Variants in ZNF517 observed in about 807,000 individuals in gnomAD.
ZNF517 encodes the protein zinc finger protein 517.
ZNF517 carries 12 observed loss-of-function variants against 12.1 expected under a neutral mutation model. The ratio of observed to expected loss-of-function variants is 0.99; its 90% CI spans 0.63 to 1.61. ZNF517 has a LOEUF of 1.61. ZNF517 is among the 40% of genes most tolerant of loss of function. The pLI, the probability that ZNF517 is intolerant of heterozygous loss-of-function variation, is 0.00. For synonymous variants in ZNF517, 388 were observed against 310.2 expected (o/e 1.25, Z -2.63); for missense variants, 781 against 693.2 (o/e 1.13, Z -1.42).
At position 144,807,578 on chromosome 8, in the gene ZNF517, T is replaced by C; in HGVS notation, c.662T>C (p.Leu221Pro). ...GKAFKQSSIL[L>P]RHQLIHTEEK... is the part of the protein sequence containing the mutation. ...GCCTTCAAGCAAAGCTCCATCCTGC[T>C]GCGGCACCAGCTGATCCACACTGAG... Residue 221 changes from leucine (L) to proline (P), a missense_variant, in exon 5 of 5, where the codon CTG (leucine) becomes CCG (proline). Coordinates refer to ENST00000359971, the MANE Select transcript of ZNF517 (RefSeq NM_213605.3). 6.2e-7 allele frequency: 1 copy of C among 1,602,324 alleles called. No homozygotes were observed. Among genetic ancestry groups the C allele is most frequent in the East Asian group, 2.3e-5 (1 of 44,014 alleles).
At position 144,808,074 on chromosome 8, in the gene ZNF517, C is replaced by A. The variant is rs763842257; in HGVS notation, c.1158C>A (p.His386Gln). The part of the protein sequence containing the change: ...PFRHNSLLLL[H>Q]LRLHTGEKPF... ...GACACAACTCCCTGCTGCTGCTGCACCTGCGCCTACACACGGGCGAGAAGC... is the reference window on the plus strand; with the variant it reads ...GACACAACTCCCTGCTGCTGCTGCAACTGCGCCTACACACGGGCGAGAAGC... The change falls in exon 5 of 5, where the codon CAC becomes CAA. Residue 386 changes from histidine to glutamine, a missense_variant. Transcript: ENST00000359971. The A allele has an allele frequency of 3.7e-6, 6 of 1,610,390 alleles. No individual in the cohort carries two copies. Among genetic ancestry groups the A allele is most frequent in the Non-Finnish European group, 4.2e-6 (5 of 1,178,752 alleles).
At chr8:144,802,040 G>T (rs187809570) in intron 1 of ZNF517, among the ~76,000 whole-genome samples, 1 of 152,028 alleles carries the variant, frequency 6.6e-6, no homozygotes, top group East Asian at 1.9e-4. Context: ...CTCAAAAAAA[G>T]GAAAGAAAAA....
chr8:144,806,777 A>T (rs1211363590), intron 4 of ZNF517, among the ~76,000 whole-genome samples: 1 of 151,786 alleles, frequency 6.6e-6, no homozygotes, highest in Non-Finnish European at 1.5e-5. Flanking sequence ...GAGCCACTGG[A>T]CCTGGCCTGA....
In ZNF517 at chr8:144,807,695, C is replaced by T; in HGVS notation, c.779C>T (p.Pro260Leu). Reference sequence around the variant, plus strand: ...CACCGCGTCCACACCCGCGAGCGGCCCTACGCATGCGGCGAGTGCGGCAAG... The same window carrying T: ...CACCGCGTCCACACCCGCGAGCGGCTCTACGCATGCGGCGAGTGCGGCAAG... ...AHHRVHTRERPYACGECGKAF... is the reference protein window; with the variant it reads ...AHHRVHTRERLYACGECGKAF... Residue 260 changes from proline to leucine, a missense_variant, in exon 5 of 5, where the codon CCC (proline) becomes CTC (leucine). By Grantham distance (98) the Pro-to-Leu change is moderately conservative (BLOSUM62 -3). Transcript: ENST00000359971. 6.2e-7 allele frequency: 1 copy of T among 1,611,148 alleles called. No individual in the cohort carries two copies. The highest frequency in any genetic ancestry group is 8.5e-7 in the Non-Finnish European group (1 of 1,179,396).
Position 144,808,377 on chromosome 8 carries a change from G to A in ZNF517, c.1461G>A (p.Ala487=). The A allele has an allele frequency of 6.9e-7, 1 of 1,454,574 alleles. No individual in the cohort carries two copies. The highest frequency in any genetic ancestry group is 9.1e-7 in the Non-Finnish European group (1 of 1,103,246). 90.1% of individuals were successfully genotyped at this position (1,454,574 alleles called of 1,614,324 possible). A position where few individuals can be genotyped will look rare whatever the true frequency, so the allele number is the denominator to read the frequency against. The stretch of plus-strand genomic sequence containing the variant: ...GGGAGGACACAGAGGGCAGGCGGGC[G>A]CCCTGTTGGGCTTCCTGATGACGGG... ...EPGEDTEGRR[A]PCWAS Residue 487 remains alanine (A), a synonymous_variant, in exon 5 of 5, where the codon GCG becomes GCA. Transcript: ENST00000359971.
chr8:144,801,250 C>A (rs1826944073), intron 1 of ZNF517, among the ~76,000 whole-genome samples: 1 of 152,220 alleles, frequency 6.6e-6, no homozygotes, highest in Admixed American at 6.5e-5. Context: ...CACCCAAACA[C>A]AAGAGCTCAA....
Position 144,807,696 on chromosome 8 carries a change from C to A in ZNF517, c.780C>A (p.Pro260=), listed in dbSNP as rs1053333240. The change falls in exon 5 of 5, where the codon CCC becomes CCA. Residue 260 remains proline, a synonymous_variant. Transcript: ENST00000359971. ...AHHRVHTRER[P]YACGECGKAF... is the part of the protein sequence containing the mutation. ...ACCGCGTCCACACCCGCGAGCGGCC[C>A]TACGCATGCGGCGAGTGCGGCAAGG... 6.2e-6 allele frequency: 10 copies of A among 1,611,062 alleles called. No individual in the cohort carries two copies. Among genetic ancestry groups the A allele is most frequent in the Non-Finnish European group, 8.5e-6 (10 of 1,179,428 alleles).
chr8:144,801,355 A>G (rs1826949916), intron 1 of ZNF517, among the ~76,000 whole-genome samples: 1 of 152,028 alleles, frequency 6.6e-6, no homozygotes, highest in African/African-American at 2.4e-5. Context: ...TTTGTTTGAG[A>G]CAGAGTCTCA....
intron 3 of ZNF517, 176 bp downstream of exon 3, chr8:144,803,943 G>C: frequency 8.9e-7 from 1 of 1,124,322 alleles, no homozygotes; most frequent in Non-Finnish European, 1.2e-6. Flanking sequence ...CAGCCTGCCT[G>C]AGGCTTCTCT....
At chr8:144,811,092 C>T (rs878917655), downstream of ZNF517, 1 of 152,230 alleles carries the variant, frequency 6.6e-6, no homozygotes, top group Admixed American at 6.5e-5. Context: ...AAAGTGGCAC[C>T]GAAAGAGTCC....
intron 1 of ZNF517, among the ~76,000 whole-genome samples, chr8:144,800,143 C>T (rs1225282410): frequency 6.6e-6 from 1 of 151,838 alleles, no homozygotes; most frequent in Non-Finnish European, 1.5e-5. Context: ...CCCTCCTAGT[C>T]TTCCAGACCC....
chr8:144,810,291 C>T (rs1305957698), downstream of ZNF517: 10 of 583,492 alleles, frequency 1.7e-5, no homozygotes, highest in Middle Eastern at 2.6e-4. Flanking sequence ...GAGTTACCTG[C>T]CCACTGGTGT....
chr8:144,811,637 A>G (rs28504606), downstream of ZNF517, among the ~76,000 whole-genome samples: 126 of 112,560 alleles, frequency 1.1e-3, no homozygotes, highest in Non-Finnish European at 1.9e-3. Flanking sequence ...AGACTGCAGA[A>G]TGGAAGCAAA....
intron 1 of ZNF517, among the ~76,000 whole-genome samples, chr8:144,802,133 AC>A (rs1166410470): frequency 6.6e-6 from 1 of 152,230 alleles, no homozygotes; most frequent in Non-Finnish European, 1.5e-5. Flanking sequence ...TTTTCTGCTT[AC>A]AGTCTGCTTG....
downstream of ZNF517, chr8:144,810,227 C>T (rs1827510608): frequency 2.9e-6 from 2 of 684,014 alleles, no homozygotes; most frequent in Non-Finnish European, 5.4e-6. Context: ...CCTCTTGGCC[C>T]CACGGGGAGC....
chr8:144,807,609 G>A lies in ZNF517; in HGVS notation c.693G>A (p.Lys231=). The A allele has an allele frequency of 1.2e-6, 2 of 1,608,678 alleles. No homozygotes were observed. The highest frequency in any genetic ancestry group is 1.7e-6 in the Non-Finnish European group (2 of 1,178,164). The part of the protein sequence containing the change: ...LRHQLIHTEE[K]PFQCGECGKA... ...ACCAGCTGATCCACACTGAGGAGAA[G>A]CCGTTCCAGTGCGGCGAGTGCGGGA... The change falls in exon 5 of 5, where the codon AAG becomes AAA. Residue 231 remains lysine, a synonymous_variant. Coordinates refer to ENST00000359971, the MANE Select transcript of ZNF517 (RefSeq NM_213605.3).
intron 4 of ZNF517, among the ~76,000 whole-genome samples, chr8:144,805,814 G>A (rs573314812): frequency 1.3e-5 from 2 of 148,960 alleles, no homozygotes; most frequent in African/African-American, 4.9e-5. Flanking sequence ...TAGAGACGAG[G>A]TTTCACCATG....
Position 144,802,921 on chromosome 8 carries a change from A to C in ZNF517, c.7A>C (p.Met3Leu). Residue 3 changes from methionine (M) to leucine (L), a missense_variant, in exon 2 of 5, where the codon ATG becomes CTG. Transcript: ENST00000359971. Reference protein sequence around the residue: MAMALPMPGPQEA... With the variant: MALALPMPGPQEA... ...TCCACAGAGGGACCCTGGAATGGCG[A>C]TGGCACTCCCGATGCCTGGACCTCA... is the stretch of plus-strand genomic sequence containing the variant. The C allele has an allele frequency of 6.2e-7, 1 of 1,613,942 alleles. No individual in the cohort carries two copies. The highest frequency in any genetic ancestry group is 8.5e-7 in the Non-Finnish European group (1 of 1,179,926).
At chr8:144,810,503 G>T (rs1482164282), downstream of ZNF517, 4 of 367,744 alleles carry the variant, frequency 1.1e-5, no homozygotes, top group African/African-American at 2.1e-5. Context: ...GGGACATGGT[G>T]GGGGAGGCTG....
Sources: allele counts gnomAD v4.1 joint callset (sites outside exome capture counted in the v4.1 genomes callset), GRCh38; gene constraint gnomAD v4.1.1; transcripts MANE v1.5; gene names NCBI Gene and HGNC (gene_info 2026-07-23, HGNC 2026-07-21).